PTBP2: variants seen among roughly 807,000 people sequenced by gnomAD.
The protein encoded by PTBP2 is polypyrimidine tract binding protein 2, also known as polypyrimidine tract-binding protein 2.
A neutral mutation model predicts 61.4 loss-of-function variants in PTBP2; 13 were observed. The observed-to-expected ratio is 0.21, with a 90% CI of 0.14 to 0.34. The LOEUF is 0.34. Ranked by LOEUF, PTBP2 falls within the 10% of genes least tolerant of loss-of-function variation. PTBP2 has a pLI of 1.00. For synonymous variants in PTBP2, 215 were observed against 218.5 expected (o/e 0.98, Z 0.14); for missense variants, 405 against 642.6 (o/e 0.63, Z 4.00).
In PTBP2 at chr1:96,741,182, T is replaced by C. The variant is rs1570743634; in HGVS notation, c.40-10243T>C. Among the ~76,000 whole-genome samples the C allele has an allele frequency of 3.3e-5, 5 of 152,162 alleles. No individual in the cohort carries two copies. The East Asian group carries it at 9.7e-4, about 29-fold the overall frequency. ...TATTAATGCAAAAAAAAAAAAACAT[T>C]GATTCCTGGGAGTTTTTATATACTG... On this transcript the variant is annotated intron_variant, in intron 2 of 13. Coordinates refer to ENST00000674951, the MANE Select transcript of PTBP2 (RefSeq NM_021190.4).
At chr1:96,817,070 A>G (rs527512720), downstream of PTBP2, 6 of 152,308 alleles carry the variant, frequency 3.9e-5, no homozygotes, top group East Asian at 5.8e-4. Context: ...ATTTAGCTTT[A>G]TATTTTCTGT....
Position 96,751,468 on chromosome 1 carries a change from C to G in PTBP2, c.83C>G (p.Pro28Arg). ...ELLSGSVLSS[P>R]NSNMSSMVVT... ...CTCTCAGGCAGTGTTCTCAGTAGTC[C>G]GAACTCTAATATGAGCAGCATGGTA... Residue 28 changes from proline to arginine, a missense_variant, in exon 3 of 14, where the codon CCG (proline) becomes CGG (arginine). By Grantham distance (103) the Pro-to-Arg change is moderately radical. This residue lies in a region of PTBP2 where 342 missense variants were observed against 491.2 expected (regional missense o/e 0.70). Coordinates refer to ENST00000674951, the MANE Select transcript of PTBP2 (RefSeq NM_021190.4). 1 of 1,612,684 alleles carries G rather than the reference C, an allele frequency of 6.2e-7. No individual in the cohort carries two copies. The highest frequency in any genetic ancestry group is 1.7e-4 in the Middle Eastern group (1 of 6,050).
chr1:96,726,061 A>G (rs1008947152), intron 2 of PTBP2, among the ~76,000 whole-genome samples: 7 of 114,506 alleles, frequency 6.1e-5, no homozygotes, highest in Admixed American at 2.2e-4. Context: ...GGCGACAGAG[A>G]CAGACTCTAT....
At chr1:96,798,055 G>A (rs1254682020) in intron 8 of PTBP2, among the ~76,000 whole-genome samples, 5 of 149,672 alleles carry the variant, frequency 3.3e-5, no homozygotes, top group East Asian at 3.9e-4. Context: ...CAGCCTGGGC[G>A]ACAGAGCGAG....
At chr1:96,727,132 T>C (rs1650673911) in intron 2 of PTBP2, among the ~76,000 whole-genome samples, 1 of 152,210 alleles carries the variant, frequency 6.6e-6, no homozygotes, top group Admixed American at 6.5e-5. Context: ...CTTTTTAGAA[T>C]TTTAGATAAA....
intron 2 of PTBP2, chr1:96,749,515 T>C (rs1654269337): frequency 5.8e-5 from 20 of 342,486 alleles, no homozygotes; most frequent in South Asian, 4.2e-4. Flanking sequence ...GTTTTGTTTT[T>C]GTTTCTTACT....
At chr1:96,820,482 A>G (rs1178458946) in exon 14 of PTBP2, 1 of 152,104 alleles carries the variant, frequency 6.6e-6, no homozygotes, top group Admixed American at 6.5e-5. Context: ...GCAGAAAATT[A>G]CAACCAACTG....
intron 8 of PTBP2, among the ~76,000 whole-genome samples, chr1:96,801,909 C>T (rs1204315210): frequency 6.7e-6 from 1 of 149,442 alleles, no homozygotes; most frequent in African/African-American, 2.5e-5. Flanking sequence ...GAAATGACAA[C>T]CATTAATAGA....
chr1:96,749,396 C>G (rs1461944896), intron 2 of PTBP2, among the ~76,000 whole-genome samples: 1 of 152,144 alleles, frequency 6.6e-6, no homozygotes, highest in Non-Finnish European at 1.5e-5. Flanking sequence ...TTTTTGAAAA[C>G]TAGGAGAGTT....
intron 1 of PTBP2, among the ~76,000 whole-genome samples, chr1:96,723,294 CAT>C (rs1441062345): frequency 6.6e-6 from 1 of 152,136 alleles, no homozygotes; most frequent in Non-Finnish European, 1.5e-5. Flanking sequence ...GTAGAAATGG[CAT>C]AGTGTTTTGG....
intron 5 of PTBP2, among the ~76,000 whole-genome samples, chr1:96,772,054 AC>A (rs1355926718): frequency 6.6e-6 from 1 of 152,036 alleles, no homozygotes; most frequent in Non-Finnish European, 1.5e-5. Context: ...CAGTTTCAAC[AC>A]TGTCTGCCGG....
intron 2 of PTBP2, among the ~76,000 whole-genome samples, chr1:96,746,277 C>T (rs1006522106): frequency 3.3e-5 from 5 of 152,006 alleles, no homozygotes; most frequent in African/African-American, 1.2e-4. Flanking sequence ...TATTTATGTT[C>T]TCACCAGTAG....
At chr1:96,774,039 A>G (rs1434352670) in intron 5 of PTBP2, among the ~76,000 whole-genome samples, 1 of 151,702 alleles carries the variant, frequency 6.6e-6, no homozygotes, top group African/African-American at 2.4e-5. Context: ...CACTTTGAGA[A>G]GCTGAGGTAA....
At chr1:96,804,700 G>T in intron 8 of PTBP2, 100 bp from the exon 9 acceptor site, 2 of 1,219,166 alleles carry the variant, frequency 1.6e-6, no homozygotes, top group Non-Finnish European at 2.3e-6. Context: ...ATGGTCAGCC[G>T]TAAGCCATGC....
chr1:96,770,390 C>G (rs1465873659), intron 4 of PTBP2, among the ~76,000 whole-genome samples: 2 of 151,892 alleles, frequency 1.3e-5, no homozygotes, highest in Admixed American at 6.6e-5. Context: ...CTTACATTCT[C>G]TAGGGTAGAA....
Position 96,731,260 on chromosome 1 carries a change from A to G in PTBP2, c.39+7666A>G, listed in dbSNP as rs187666785. Among the ~76,000 whole-genome samples, 279 of 152,312 alleles carry G rather than the reference A, an allele frequency of 1.8e-3. 1 individual carries two copies. The highest frequency in any genetic ancestry group is 6.4e-3 in the African/African-American group (268 of 41,572). ...ACTTAAAGAGTTACTGAAAACCACA[A>G]TGCCAGAACACTCATTTGTTTTTCA... is the stretch of plus-strand genomic sequence containing the variant. On this transcript the variant is annotated intron_variant, in intron 2 of 13. Transcript: ENST00000674951.
At chr1:96,774,132 A>G (rs975029596) in intron 5 of PTBP2, among the ~76,000 whole-genome samples, 3 of 151,718 alleles carry the variant, frequency 2.0e-5, no homozygotes, top group African/African-American at 7.3e-5. Context: ...AAAAAAAAAA[A>G]AGGAAGAAAT....
intron 3 of PTBP2, among the ~76,000 whole-genome samples, chr1:96,763,447 G>A (rs1020914147): frequency 2.6e-5 from 4 of 151,428 alleles, no homozygotes; most frequent in Admixed American, 6.6e-5. Context: ...GCGTGGCGGC[G>A]CGTGCCTGCA....
chr1:96,797,137 G>T (rs974704709), intron 8 of PTBP2, among the ~76,000 whole-genome samples: 3 of 151,362 alleles, frequency 2.0e-5, no homozygotes, highest in Admixed American at 2.0e-4. Flanking sequence ...AAAGAGTGTG[G>T]TATGATTGGG....
Sources: allele counts gnomAD v4.1 joint callset (sites outside exome capture counted in the v4.1 genomes callset), GRCh38; gene constraint gnomAD v4.1.1; regional missense constraint gnomAD v4.1.1; transcripts MANE v1.5; gene names NCBI Gene and HGNC (gene_info 2026-07-23, HGNC 2026-07-21).